The following TSHZ1 variants were observed in gnomAD, a reference collection of about 807,000 sequenced individuals.
The protein encoded by TSHZ1 is teashirt zinc finger homeobox 1, also known as teashirt homolog 1.
Under a neutral mutation model 67.1 loss-of-function variants are expected in TSHZ1, and 12 were observed. The observed-to-expected ratio is 0.18, with a 90% CI of 0.11 to 0.29. The LOEUF (loss-of-function observed/expected upper bound fraction) is 0.29. Among genes scored for constraint, TSHZ1 ranks in the 10% least tolerant of loss-of-function variants. The probability of loss-of-function intolerance (pLI) is 1.00; values close to 1 mark genes in which losing one functional copy is unlikely to be tolerated. For missense variants in TSHZ1, 1,305 were observed against 1,413.9 expected (o/e 0.92, Z 1.23); for synonymous variants, 632 against 622.4 (o/e 1.02, Z -0.23).
At chr18:75,235,313 C>A (rs1054472734) in intron 1 of TSHZ1, among the ~76,000 whole-genome samples, 2 of 152,074 alleles carry the variant, frequency 1.3e-5, no homozygotes, top group African/African-American at 2.4e-5. Context: ...GGGGGACTGC[C>A]GGTCGTACGT....
intron 1 of TSHZ1, among the ~76,000 whole-genome samples, chr18:75,246,403 G>GGGGTGTGTGTGT (rs1555727131): frequency 9.2e-6 from 1 of 108,372 alleles, no homozygotes; most frequent in African/African-American, 3.5e-5. Flanking sequence ...TTTGGTTTCT[G>GGGGTGTGTGTGT]GTGTGTGTGT....
chr18:75,288,296 G>T lies in TSHZ1; in HGVS notation c.2889G>T (p.Leu963=), dbSNP rs188787024. Residue 963 remains leucine, a synonymous_variant, in exon 2 of 2, where the codon CTG becomes CTT. Coordinates refer to ENST00000580243, the MANE Select transcript of TSHZ1 (RefSeq NM_001308210.2). This position sits in a 1 kb window ranked among gnomAD's most constrained non-coding sequence, Gnocchi z 4.9. The stretch of plus-strand genomic sequence containing the variant: ...GGGGAACGAAATTCCTAAAGAACCT[G>T]GACACAGGGCATCCTGTTTTCTTTT... ...RTGGTKFLKN[L]DTGHPVFFCN... 3.1e-6 allele frequency: 5 copies of T among 1,614,178 alleles called. No homozygotes were observed. Among genetic ancestry groups the T allele is most frequent in the Middle Eastern group, 1.6e-4 (1 of 6,062 alleles).
intron 1 of TSHZ1, among the ~76,000 whole-genome samples, chr18:75,282,182 C>T (rs780575939): frequency 2.6e-5 from 4 of 152,160 alleles, no homozygotes; most frequent in African/African-American, 7.2e-5. Flanking sequence ...AGGAACTTCC[C>T]GGGTGCAGAA....
At chr18:75,272,012 A>G (rs143011158) in intron 1 of TSHZ1, among the ~76,000 whole-genome samples, 2,195 of 152,338 alleles carry the variant, frequency 0.014, 23 homozygotes, top group Non-Finnish European at 0.021. Flanking sequence ...GTCCTACCCC[A>G]TAATGGTAAT....
intron 1 of TSHZ1, among the ~76,000 whole-genome samples, chr18:75,224,586 C>T (rs998638677): frequency 7.2e-5 from 11 of 152,242 alleles, no homozygotes; most frequent in East Asian, 1.9e-4. Flanking sequence ...GTATGATCCC[C>T]CCCTCCCCGC....
At chr18:75,223,914 C>G (rs905998499) in intron 1 of TSHZ1, among the ~76,000 whole-genome samples, 2 of 152,032 alleles carry the variant, frequency 1.3e-5, no homozygotes, top group African/African-American at 4.8e-5. Flanking sequence ...TGAGGTCAAC[C>G]ATGACTGACA....
At chr18:75,226,773 G>A (rs1414944344) in intron 1 of TSHZ1, among the ~76,000 whole-genome samples, 1 of 152,100 alleles carries the variant, frequency 6.6e-6, no homozygotes, top group Non-Finnish European at 1.5e-5. Context: ...CCGGGCCTTG[G>A]GAAACGCCGC....
chr18:75,219,353 G>A (rs1001233961), intron 1 of TSHZ1, among the ~76,000 whole-genome samples: 2 of 152,196 alleles, frequency 1.3e-5, no homozygotes, highest in Non-Finnish European at 2.9e-5. Context: ...TTTCACCCAG[G>A]AAGGTATTTA....
At chr18:75,243,535 TGAG>T (rs905277631) in intron 1 of TSHZ1, among the ~76,000 whole-genome samples, 3 of 152,118 alleles carry the variant, frequency 2.0e-5, no homozygotes, top group African/African-American at 4.8e-5. Context: ...GTGGGGAAGA[TGAG>T]GAGATCAGGG....
intron 1 of TSHZ1, among the ~76,000 whole-genome samples, chr18:75,214,785 A>C (rs1351812132): frequency 6.6e-6 from 1 of 152,206 alleles, no homozygotes; most frequent in East Asian, 1.9e-4. Flanking sequence ...TAATTATCAA[A>C]AAAGGTAAGG....
chr18:75,272,067 T>C (rs2023565071), intron 1 of TSHZ1, among the ~76,000 whole-genome samples: 1 of 152,202 alleles, frequency 6.6e-6, no homozygotes, highest in Non-Finnish European at 1.5e-5. Flanking sequence ...ATTCCAATGT[T>C]GCCAGCAGGG....
chr18:75,279,448 C>A (rs923051732), intron 1 of TSHZ1, among the ~76,000 whole-genome samples: 5 of 152,184 alleles, frequency 3.3e-5, no homozygotes, highest in Non-Finnish European at 7.4e-5. Flanking sequence ...TAAGGCCTAG[C>A]ATGGTGACAA....
In TSHZ1 at chr18:75,211,168, C is replaced by T. The variant is rs1416822976; in HGVS notation, c.-709C>T. 1 of 152,138 alleles carries T rather than the reference C, an allele frequency of 6.6e-6. No individual in the cohort carries two copies. Among genetic ancestry groups the T allele is most frequent in the Non-Finnish European group, 1.5e-5 (1 of 68,052 alleles). 9.4% of individuals were successfully genotyped at this position (152,138 alleles called of 1,614,324 possible). ...TGGAAGCGCGGGGCACCAAGTGGCG[C>T]TCCGGCGGGGTGACACTGTTTGATC... On this transcript the variant is annotated 5_prime_UTR_variant, in exon 1 of 2. Transcript: ENST00000580243.
chr18:75,217,541 G>A (rs771569300), intron 1 of TSHZ1, among the ~76,000 whole-genome samples: 2 of 152,192 alleles, frequency 1.3e-5, no homozygotes, highest in South Asian at 2.1e-4. Context: ...AGTTGTAAAT[G>A]ATATCTTCTG....
At position 75,287,584 on chromosome 18, in the gene TSHZ1, G is replaced by A; in HGVS notation, c.2177G>A (p.Gly726Asp). 1 of 1,614,188 alleles carries A rather than the reference G, an allele frequency of 6.2e-7. No individual in the cohort carries two copies. The highest frequency in any genetic ancestry group is 1.3e-5 in the African/African-American group (1 of 75,058). ...CCTCTCAAAGCAAAGGTCACCAACG[G>A]CTGTAACAACCTGGGGATCATCATG... ...TEPLKAKVTNGCNNLGIIMDH... is the reference protein window; with the variant it reads ...TEPLKAKVTNDCNNLGIIMDH... Residue 726 changes from glycine to aspartate, a missense_variant, in exon 2 of 2, where the codon GGC becomes GAC. Gly to Asp is a moderately conservative substitution (Grantham distance 94). This residue lies in a region of TSHZ1 where 909 missense variants were observed against 961.8 expected (regional missense o/e 0.95). Transcript: ENST00000580243. The surrounding 1 kb of genome is among the most constrained non-coding windows in gnomAD (Gnocchi z 5.0).
At chr18:75,261,661 A>G (rs926709520) in intron 1 of TSHZ1, among the ~76,000 whole-genome samples, 2 of 152,242 alleles carry the variant, frequency 1.3e-5, no homozygotes, top group African/African-American at 2.4e-5. Flanking sequence ...TCATAGTTAC[A>G]TAGTGTATTC....
chr18:75,232,044 G>C (rs1048174912), intron 1 of TSHZ1, among the ~76,000 whole-genome samples: 2 of 151,862 alleles, frequency 1.3e-5, no homozygotes, highest in Non-Finnish European at 2.9e-5. Flanking sequence ...TCAGCCTCCC[G>C]AGTAGCTAGG....
chr18:75,274,333 A>C (rs2023590917), intron 1 of TSHZ1, among the ~76,000 whole-genome samples: 1 of 152,084 alleles, frequency 6.6e-6, no homozygotes, highest in Non-Finnish European at 1.5e-5. Flanking sequence ...TCAGATTTTC[A>C]TGAGGTGGAG....
rs1388221472 is a variant in TSHZ1 at position 75,287,495 on chromosome 18, G to A, written c.2088G>A (p.Glu696=). 1 of 1,614,216 alleles carries A rather than the reference G, an allele frequency of 6.2e-7. No homozygotes were observed. Among genetic ancestry groups the A allele is most frequent in the Admixed American group, 1.7e-5 (1 of 60,028 alleles). ...GCAAACCACAGAAGAAGGGCCCTGA[G>A]GCCGAGACTGGGAAGGCCAAAAAGG... The part of the protein sequence containing the change: ...VSGKPQKKGP[E]AETGKAKKEG... The change falls in exon 2 of 2, where the codon GAG becomes GAA. Residue 696 remains glutamate, a synonymous_variant. Transcript: ENST00000580243. The surrounding 1 kb of genome is among the most constrained non-coding windows in gnomAD (Gnocchi z 5.0).
Sources: allele counts gnomAD v4.1 joint callset (sites outside exome capture counted in the v4.1 genomes callset), GRCh38; gene constraint gnomAD v4.1.1; regional missense constraint gnomAD v4.1.1; non-coding constraint Gnocchi (gnomAD v3.1); transcripts MANE v1.5; gene names NCBI Gene and HGNC (gene_info 2026-07-23, HGNC 2026-07-21).